Variants in KIAA1671 observed in about 807,000 individuals in gnomAD.
The protein encoded by KIAA1671 is KIAA1671, also known as uncharacterized protein KIAA1671.
In KIAA1671, 52 loss-of-function variants were observed where a neutral mutation model predicts 131.2. The observed-to-expected ratio is 0.40, with a 90% CI of 0.32 to 0.50. KIAA1671 has a LOEUF of 0.50. KIAA1671 is among the 20% of genes least tolerant of loss of function. The probability of loss-of-function intolerance (pLI) is 0.73; values close to 1 mark genes in which losing one functional copy is unlikely to be tolerated. For synonymous variants in KIAA1671, 1,003 were observed against 961.6 expected, an observed-to-expected ratio of 1.04 and a Z score of -0.80; for missense variants, 2,360 against 2,364.2, an observed-to-expected ratio of 1.00 and a Z score of 0.04.
chr22:25,074,510 A>AG (rs1568941453), intron 6 of KIAA1671, among the ~76,000 whole-genome samples: 1 of 147,238 alleles, frequency 6.8e-6, no homozygotes, highest in Non-Finnish European at 1.5e-5. Context: ...AAAAAAAAAA[A>AG]AAAAAAAGAA....
chr22:24,959,617 A>G (rs1198547807), intron 1 of KIAA1671, among the ~76,000 whole-genome samples: 2 of 152,186 alleles, frequency 1.3e-5, no homozygotes, highest in Non-Finnish European at 2.9e-5. Context: ...TGAATATTTT[A>G]TTGAGCATCT....
At chr22:24,995,350 C>A (rs1924074114) in intron 1 of KIAA1671, among the ~76,000 whole-genome samples, 1 of 144,810 alleles carries the variant, frequency 6.9e-6, no homozygotes, top group Admixed American at 6.8e-5. Context: ...CTGCGCCCGG[C>A]CAAGGTTTTT....
chr22:25,085,986 C>T (rs1929699132), intron 6 of KIAA1671, among the ~76,000 whole-genome samples: 1 of 152,144 alleles, frequency 6.6e-6, no homozygotes, highest in East Asian at 1.9e-4. Flanking sequence ...TCACGTGACA[C>T]AGTGCCTGAC....
chr22:25,039,572 G>A lies in KIAA1671; in HGVS notation c.2442G>A (p.Gly814=). ...CTGAGGCTAGTGGACCGAAGTTTGG[G>A]GGCAATTGCCCGTTTCCCAAATGGA... ...GMPEASGPKF[G]GNCPFPKWTG... is the part of the protein sequence containing the mutation. Residue 814 remains glycine, a synonymous_variant, in exon 5 of 13, where the codon GGG becomes GGA. Coordinates refer to ENST00000358431, the MANE Select transcript of KIAA1671 (RefSeq NM_001145206.2). The A allele has an allele frequency of 6.4e-7, 1 of 1,551,798 alleles. No homozygotes were observed. The highest frequency in any genetic ancestry group is 1.2e-5 in the South Asian group (1 of 84,064).
chr22:25,098,798 C>T (rs1930510703), intron 6 of KIAA1671, among the ~76,000 whole-genome samples: 1 of 152,226 alleles, frequency 6.6e-6, no homozygotes, highest in African/African-American at 2.4e-5. Context: ...GATGCCAGGG[C>T]TGCCTGGCTG....
In KIAA1671 at chr22:25,055,507, A is replaced by G. The variant is rs1017332373; in HGVS notation, c.4530+6143A>G. ...GAAGCCAAGATAGGAGGATTGCTTG[A>G]GGCCAGGAGTTCCAGACCAGCCTGG... On this transcript the variant is annotated intron_variant, in intron 6 of 12. Coordinates refer to ENST00000358431, the MANE Select transcript of KIAA1671 (RefSeq NM_001145206.2). 4 of 149,964 alleles carry G rather than the reference A, an allele frequency of 2.7e-5. 2 individuals carry two copies. The highest frequency in any genetic ancestry group is 4.9e-5 in the African/African-American group (2 of 41,068). 9.3% of individuals were successfully genotyped at this position (149,964 alleles called of 1,614,324 possible). A position where few individuals can be genotyped will look rare whatever the true frequency, so the allele number is the denominator to read the frequency against.
intron 6 of KIAA1671, among the ~76,000 whole-genome samples, chr22:25,078,662 C>T (rs959250844): frequency 5.3e-5 from 8 of 152,228 alleles, no homozygotes; most frequent in African/African-American, 1.7e-4. Flanking sequence ...TAAGCAATTA[C>T]TGTTACCAGC....
Position 25,040,706 on chromosome 22 carries a change from T to A in KIAA1671, c.3576T>A (p.Asp1192Glu). The A allele has an allele frequency of 6.4e-7, 1 of 1,552,096 alleles. No individual in the cohort carries two copies. The highest frequency in any genetic ancestry group is 8.7e-7 in the Non-Finnish European group (1 of 1,147,094). The change falls in exon 5 of 13, where the codon GAT (aspartate) becomes GAA (glutamate). Residue 1192 changes from aspartate to glutamate, a missense_variant. This residue lies in a region of KIAA1671 where 1,161 missense variants were observed against 1,204.7 expected (regional missense o/e 0.96). Transcript: ENST00000358431. Reference sequence around the variant, plus strand: ...ACACGTTCCCAGGTAAAATCAGAGATGGCTACAGATCCAGCGTTCTTGACA... The same window carrying A: ...ACACGTTCCCAGGTAAAATCAGAGAAGGCTACAGATCCAGCGTTCTTGACA... ...ISDTFPGKIRDGYRSSVLDID... is the reference protein window; with the variant it reads ...ISDTFPGKIREGYRSSVLDID...
At chr22:24,964,942 G>T (rs1256899861) in intron 1 of KIAA1671, among the ~76,000 whole-genome samples, 1 of 152,094 alleles carries the variant, frequency 6.6e-6, no homozygotes, top group African/African-American at 2.4e-5. Context: ...GTTAGATCCT[G>T]TTCCCACATG....
chr22:25,115,246 C>T (rs1159866862), intron 6 of KIAA1671, among the ~76,000 whole-genome samples: 1 of 152,138 alleles, frequency 6.6e-6, no homozygotes, highest in Non-Finnish European at 1.5e-5. Flanking sequence ...CAGTTAGAGG[C>T]CAGACAGAAA....
In KIAA1671 at chr22:25,128,368, A is replaced by G. The variant is rs12157461; in HGVS notation, c.4531-42452A>G. Among the ~76,000 whole-genome samples the G allele has an allele frequency of 3.3e-3, 499 of 152,364 alleles. 2 individuals are homozygous for G. Among genetic ancestry groups the G allele is most frequent in the African/African-American group, 0.011 (473 of 41,598 alleles). On this transcript the variant is annotated intron_variant, in intron 6 of 12. Transcript: ENST00000358431. ...TGGACCAGTGCATGAACGGATGCCAAGCTCCTAGCTGGCTTCACACCAGGT... is the reference window on the plus strand; with the variant it reads ...TGGACCAGTGCATGAACGGATGCCAGGCTCCTAGCTGGCTTCACACCAGGT...
intron 1 of KIAA1671, among the ~76,000 whole-genome samples, chr22:25,005,006 A>G (rs904906715): frequency 8.6e-5 from 13 of 151,874 alleles, no homozygotes; most frequent in African/African-American, 3.1e-4. Context: ...CTAACTGTCA[A>G]TCAGTGAATC....
At chr22:25,163,992 G>C (rs1163978786) in intron 6 of KIAA1671, among the ~76,000 whole-genome samples, 1 of 152,092 alleles carries the variant, frequency 6.6e-6, no homozygotes, top group Non-Finnish European at 1.5e-5. Context: ...TAGCCTTTAG[G>C]GGGTACATGT....
intron 1 of KIAA1671, among the ~76,000 whole-genome samples, chr22:24,996,067 C>A (rs1024662569): frequency 2.0e-5 from 3 of 152,234 alleles, no homozygotes; most frequent in Non-Finnish European, 2.9e-5. Context: ...TGGTGTTCAT[C>A]TGAATGCAGG....
At chr22:24,985,085 TG>T (rs1923451072) in intron 1 of KIAA1671, among the ~76,000 whole-genome samples, 1 of 151,888 alleles carries the variant, frequency 6.6e-6, no homozygotes, top group African/African-American at 2.4e-5. Flanking sequence ...TCTGATTTTT[TG>T]GATATATATT....
intron 6 of KIAA1671, among the ~76,000 whole-genome samples, chr22:25,142,838 G>A (rs1932826205): frequency 6.6e-6 from 1 of 152,154 alleles, no homozygotes; most frequent in African/African-American, 2.4e-5. Context: ...CACTGCCTGG[G>A]CAACAGAGCA....
At chr22:25,026,143 C>T (rs1925930938) in intron 2 of KIAA1671, among the ~76,000 whole-genome samples, 1 of 152,202 alleles carries the variant, frequency 6.6e-6, no homozygotes, top group Admixed American at 6.5e-5. Context: ...AATCTGTTAG[C>T]ACCATCGAGC....
At chr22:24,959,807 G>A (rs1311870739) in intron 1 of KIAA1671, among the ~76,000 whole-genome samples, 1 of 152,106 alleles carries the variant, frequency 6.6e-6, no homozygotes, top group African/African-American at 2.4e-5. Flanking sequence ...TCAGTTAAGT[G>A]ACCTTTGAAA....
chr22:25,117,733 A>G (rs200924109), intron 6 of KIAA1671, among the ~76,000 whole-genome samples: 1 of 151,524 alleles, frequency 6.6e-6, no homozygotes, highest in East Asian at 1.9e-4. Context: ...CTCCATCAGT[A>G]CTCTCTCCCT....
Sources: allele counts gnomAD v4.1 joint callset (sites outside exome capture counted in the v4.1 genomes callset), GRCh38; gene constraint gnomAD v4.1.1; regional missense constraint gnomAD v4.1.1; transcripts MANE v1.5; gene names NCBI Gene and HGNC (gene_info 2026-07-23, HGNC 2026-07-21).